SIM1: variants seen among roughly 807,000 people sequenced by gnomAD.
SIM1 encodes the protein SIM bHLH transcription factor 1, also known as single-minded homolog 1.
SIM1 carries 18 observed loss-of-function variants against 78.2 expected under a neutral mutation model. The observed-to-expected ratio is 0.23, with a 90% CI of 0.16 to 0.34. The LOEUF is 0.34. Among genes scored for constraint, SIM1 ranks in the 10% least tolerant of loss-of-function variants. SIM1 has a pLI of 1.00. For missense variants in SIM1, 939 were observed against 975.1 expected, an observed-to-expected ratio of 0.96 and a Z score of 0.49; for synonymous variants, 417 against 385.2, an observed-to-expected ratio of 1.08 and a Z score of -0.97.
chr6:100,412,576 A>AAAGAAAGG (rs1771227704), intron 10 of SIM1, among the ~76,000 whole-genome samples: 2 of 111,518 alleles, frequency 1.8e-5, no homozygotes, highest in Non-Finnish European at 3.7e-5. Context: ...AGAAAGAAAG[A>AAAGAAAGG]AAGAAAGAAA....
At chr6:100,420,658 C>A (rs1340739497) in intron 10 of SIM1, 132 bp downstream of exon 10, 1 of 841,536 alleles carries the variant, frequency 1.2e-6, no homozygotes, top group South Asian at 1.8e-5. Context: ...GTTTAGAGAA[C>A]CTTCCAGATT....
intron 9 of SIM1, among the ~76,000 whole-genome samples, chr6:100,426,656 C>T (rs1771739595): frequency 6.6e-6 from 1 of 152,184 alleles, no homozygotes; most frequent in Non-Finnish European, 1.5e-5. Flanking sequence ...TTTACAATTT[C>T]AAGTGAGTTT....
intron 10 of SIM1, among the ~76,000 whole-genome samples, chr6:100,417,877 G>C (rs926617177): frequency 2.0e-5 from 3 of 152,124 alleles, no homozygotes; most frequent in African/African-American, 7.2e-5. Context: ...CTTTAACTAG[G>C]TGCATAAATG....
rs879345174 is a variant in SIM1 at position 100,412,747 on chromosome 6, GAAAGAAAAAAGA to G, written c.1167+8031_1167+8042del. ...AGAAAGAAAGAAAGAAAGAAAGAAAGAAAGAAAAAAGAAAAGAAAAAGAAAGGGAGAAAGAGA... is the reference window on the plus strand; with the variant it reads ...AGAAAGAAAGAAAGAAAGAAAGAAAGAAAGAAAAAGAAAGGGAGAAAGAGA... On this transcript the variant is annotated intron_variant, in intron 10 of 11. Transcript: ENST00000369208. 8.5e-3 allele frequency among the ~76,000 whole-genome samples: 1,080 copies of G among 127,740 alleles called. 34 individuals are homozygous for G. Among genetic ancestry groups the G allele is most frequent in the Middle Eastern group, 0.032 (8 of 248 alleles). 83.8% of individuals were successfully genotyped at this position (127,740 alleles called of 152,430 possible). A position where few individuals can be genotyped will look rare whatever the true frequency, so the allele number is the denominator to read the frequency against.
At chr6:100,391,322 T>C (rs373804) in intron 11 of SIM1, among the ~76,000 whole-genome samples, 3,080 of 152,340 alleles carry the variant, frequency 0.02, 53 homozygotes, top group Middle Eastern at 0.099. Flanking sequence ...AGACCAAGTT[T>C]ATAACAAGTT....
intron 6 of SIM1, among the ~76,000 whole-genome samples, 194 bp downstream of exon 6, chr6:100,449,169 G>A (rs967258228): frequency 6.6e-6 from 1 of 152,208 alleles, no homozygotes; most frequent in African/African-American, 2.4e-5. Context: ...GTCAGACTTT[G>A]TCTTTAAGCA....
intron 9 of SIM1, among the ~76,000 whole-genome samples, chr6:100,439,800 C>A (rs1214468470): frequency 6.6e-6 from 1 of 152,164 alleles, no homozygotes; most frequent in Non-Finnish European, 1.5e-5. Context: ...ATGTAAAACA[C>A]CTTCCACACT....
chr6:100,446,985 C>T (rs151316120), intron 9 of SIM1, among the ~76,000 whole-genome samples: 1,737 of 152,252 alleles, frequency 0.011, 12 homozygotes, highest in Admixed American at 0.028. Flanking sequence ...TTATTTAATG[C>T]AGAGTTCGCT....
At chr6:100,440,746 G>C (rs1040118444) in intron 9 of SIM1, among the ~76,000 whole-genome samples, 1 of 152,168 alleles carries the variant, frequency 6.6e-6, no homozygotes, top group African/African-American at 2.4e-5. Context: ...ATGATCACCT[G>C]CTCATCTGGA....
At chr6:100,445,986 A>G (rs531586868) in intron 9 of SIM1, among the ~76,000 whole-genome samples, 3 of 152,370 alleles carry the variant, frequency 2.0e-5, no homozygotes, top group South Asian at 4.1e-4. Flanking sequence ...GTATTAAAAT[A>G]CACAGCCTTC....
chr6:100,421,950 G>C lies in SIM1; in HGVS notation c.999-992C>G, dbSNP rs574410536. On this transcript the variant is annotated intron_variant, in intron 9 of 11. Transcript: ENST00000369208. Reference sequence around the variant, plus strand: ...GGTAATTGATTTATTTTGATCTCTTGAACACTGTGAATCATATAGCTCCTC... The same window carrying C: ...GGTAATTGATTTATTTTGATCTCTTCAACACTGTGAATCATATAGCTCCTC... 2.6e-5 allele frequency among the ~76,000 whole-genome samples: 4 copies of C among 152,116 alleles called. No individual in the cohort carries two copies. In the South Asian group the frequency reaches 8.3e-4, roughly 32 times the overall value.
intron 10 of SIM1, among the ~76,000 whole-genome samples, chr6:100,413,226 G>A (rs1420495264): frequency 2.6e-5 from 4 of 152,224 alleles, no homozygotes; most frequent in African/African-American, 4.8e-5. Context: ...GACTTAACAC[G>A]TCTCATCACT....
intron 10 of SIM1, among the ~76,000 whole-genome samples, chr6:100,407,715 T>A (rs1771085468): frequency 6.6e-6 from 1 of 152,148 alleles, no homozygotes; most frequent in Non-Finnish European, 1.5e-5. Flanking sequence ...GAGCACCTTT[T>A]CATGTACATG....
rs79393637 is a variant in SIM1, at chr6:100,404,098, C to T, written c.1168-10209G>A. On this transcript the variant is annotated intron_variant, in intron 10 of 11. Transcript: ENST00000369208. ...GGGACTTTCTCCAGCCTCTACACCCCGTAAACCACCTCCACACACCCTTAG... is the reference window on the plus strand; with the variant it reads ...GGGACTTTCTCCAGCCTCTACACCCTGTAAACCACCTCCACACACCCTTAG... Among the ~76,000 whole-genome samples, 238 of 152,298 alleles carry T rather than the reference C, an allele frequency of 1.6e-3. 1 individual carries two copies. Among genetic ancestry groups the T allele is most frequent in the Non-Finnish European group, 2.6e-3 (177 of 68,018 alleles).
intron 9 of SIM1, among the ~76,000 whole-genome samples, chr6:100,438,672 A>G (rs1772124187): frequency 6.6e-6 from 1 of 152,260 alleles, no homozygotes; most frequent in African/African-American, 2.4e-5. Flanking sequence ...GCATGTTTAT[A>G]GCAGCCCAAT....
intron 10 of SIM1, among the ~76,000 whole-genome samples, chr6:100,412,358 G>A (rs1243066863): frequency 7.3e-5 from 11 of 151,600 alleles, no homozygotes; most frequent in Non-Finnish European, 1.5e-5. Flanking sequence ...CTAACATGGC[G>A]AAACGCTGTC....
At chr6:100,399,261 C>A (rs1381302718) in intron 10 of SIM1, among the ~76,000 whole-genome samples, 1 of 151,950 alleles carries the variant, frequency 6.6e-6, no homozygotes, top group Non-Finnish European at 1.5e-5. Context: ...CAATATTACT[C>A]AACAATAAAA....
chr6:100,417,730 C>T (rs1005716439), intron 10 of SIM1, among the ~76,000 whole-genome samples: 6 of 152,142 alleles, frequency 3.9e-5, no homozygotes, highest in African/African-American at 1.4e-4. Flanking sequence ...ACTGTAAATG[C>T]CTGCTCACTT....
intron 8 of SIM1, among the ~76,000 whole-genome samples, chr6:100,447,668 A>G (rs1001425270): frequency 6.6e-6 from 1 of 152,220 alleles, no homozygotes; most frequent in African/African-American, 2.4e-5. Flanking sequence ...AAAGGGAGGA[A>G]CACTTAGAGT....
Sources: gnomAD v4.1 joint callset for allele counts (sites outside exome capture counted in the v4.1 genomes callset) on GRCh38, gnomAD v4.1.1 for gene constraint, MANE v1.5 for transcripts, NCBI Gene and HGNC (gene_info 2026-07-23, HGNC 2026-07-21) for gene names.